Variants in AGBL4 observed in about 807,000 individuals in gnomAD.
The protein encoded by AGBL4 is cytosolic carboxypeptidase 6.
Under a neutral mutation model 66.4 loss-of-function variants are expected in AGBL4, and 58 were observed. The observed-to-expected ratio is 0.87, with a 90% confidence interval of 0.71 to 1.09. The LOEUF (loss-of-function observed/expected upper bound fraction) is 1.09. Among genes scored for constraint, AGBL4 ranks in the 50% least tolerant of loss-of-function variants. The probability of loss-of-function intolerance (pLI) is 0.00; values close to 1 mark genes in which losing one functional copy is unlikely to be tolerated. For synonymous variants in AGBL4, 234 were observed against 222.9 expected (o/e 1.05, Z -0.44); for missense variants, 579 against 631.0 (o/e 0.92, Z 0.88).
rs567331833 is a variant in AGBL4 at position 48,769,031 on chromosome 1, C to G, written c.634+98160G>C. Among the ~76,000 whole-genome samples the G allele has an allele frequency of 3.0e-4, 46 of 152,284 alleles. 2 individuals carry two copies. The South Asian group carries it at 8.9e-3, about 29-fold the overall frequency. On this transcript the variant is annotated intron_variant, in intron 6 of 13. Coordinates refer to ENST00000371839, the MANE Select transcript of AGBL4 (RefSeq NM_032785.4). ...AGACACCAAATCGAGGCCTGCCTCT[C>G]TCATTAACTTGTTTGGTGATTAGTC...
At chr1:49,505,283 T>C (rs1648573954) in intron 3 of AGBL4, among the ~76,000 whole-genome samples, 1 of 152,098 alleles carries the variant, frequency 6.6e-6, no homozygotes, top group South Asian at 2.1e-4. Context: ...TACAGTATTT[T>C]AGTATTCTGA....
At chr1:48,731,355 G>A (rs913021518) in intron 6 of AGBL4, among the ~76,000 whole-genome samples, 2 of 152,166 alleles carry the variant, frequency 1.3e-5, no homozygotes, top group Non-Finnish European at 2.9e-5. Context: ...AGTTCAGCTT[G>A]GCTGTCTCTA....
chr1:49,925,380 A>G (rs1189424839), intron 1 of AGBL4, among the ~76,000 whole-genome samples: 4 of 152,126 alleles, frequency 2.6e-5, no homozygotes, highest in South Asian at 4.1e-4. Context: ...CTGAATAATC[A>G]TCAGCAACAA....
intron 3 of AGBL4, among the ~76,000 whole-genome samples, chr1:49,466,140 C>T (rs1285342155): frequency 1.3e-5 from 2 of 151,834 alleles, no homozygotes; most frequent in African/African-American, 2.4e-5. Flanking sequence ...TGGCTGTTTA[C>T]CTGTATGATA....
At chr1:48,845,898 A>G (rs1303503380) in intron 6 of AGBL4, among the ~76,000 whole-genome samples, 1 of 152,200 alleles carries the variant, frequency 6.6e-6, no homozygotes, top group Admixed American at 6.5e-5. Context: ...GAGTTAATGT[A>G]CCAAAAGTAC....
intron 4 of AGBL4, among the ~76,000 whole-genome samples, chr1:49,149,084 G>A (rs1646276432): frequency 6.6e-6 from 1 of 152,162 alleles, no homozygotes; most frequent in East Asian, 1.9e-4. Context: ...GCCCATCTAT[G>A]TTCTAATCAA....
chr1:48,879,616 G>A (rs1272238124), intron 5 of AGBL4, among the ~76,000 whole-genome samples: 1 of 152,002 alleles, frequency 6.6e-6, no homozygotes, highest in Non-Finnish European at 1.5e-5. Context: ...TTCATAAAAA[G>A]CTCATTAAGA....
At chr1:48,835,369 TG>T (rs1558028226) in intron 6 of AGBL4, among the ~76,000 whole-genome samples, 2 of 152,160 alleles carry the variant, frequency 1.3e-5, no homozygotes, top group African/African-American at 2.4e-5. Context: ...TCTGTCCTCC[TG>T]GAACTTATAG....
At chr1:49,506,346 A>T (rs566882457) in intron 3 of AGBL4, among the ~76,000 whole-genome samples, 8 of 152,162 alleles carry the variant, frequency 5.3e-5, no homozygotes, top group African/African-American at 1.9e-4. Flanking sequence ...TTGTTAATAC[A>T]TGTTGATATG....
intron 5 of AGBL4, among the ~76,000 whole-genome samples, chr1:49,015,628 G>A (rs1662762617): frequency 6.6e-6 from 1 of 151,414 alleles, no homozygotes; most frequent in African/African-American, 2.4e-5. Context: ...GTTTCACCAT[G>A]TTAGCCAGGA....
downstream of AGBL4, among the ~76,000 whole-genome samples, chr1:48,531,129 C>A (rs776632916): frequency 1.3e-5 from 2 of 152,136 alleles, no homozygotes; most frequent in Non-Finnish European, 2.9e-5. Context: ...TTTTTTTCTG[C>A]TCTGCCAATG....
At chr1:48,775,598 C>T (rs1399647716) in intron 6 of AGBL4, among the ~76,000 whole-genome samples, 3 of 152,196 alleles carry the variant, frequency 2.0e-5, no homozygotes, top group African/African-American at 7.2e-5. Flanking sequence ...GATGATACTT[C>T]CCCCTTCCTT....
intron 4 of AGBL4, among the ~76,000 whole-genome samples, chr1:49,126,661 C>T (rs1645770421): frequency 6.6e-6 from 1 of 152,132 alleles, no homozygotes; most frequent in Admixed American, 6.6e-5. Flanking sequence ...AGATTCTGCA[C>T]TGTATAATCA....
chr1:49,691,696 C>T (rs1451445593), intron 3 of AGBL4, among the ~76,000 whole-genome samples: 1 of 152,026 alleles, frequency 6.6e-6, no homozygotes, highest in African/African-American at 2.4e-5. Flanking sequence ...AGGAGATTAA[C>T]ATTTGAGTCA....
rs537386628 is a variant in AGBL4, at chr1:49,549,896, A to G, written c.282+147417T>C. Among the ~76,000 whole-genome samples the G allele has an allele frequency of 8.5e-5, 13 of 152,214 alleles. No homozygotes were observed. The South Asian group carries it at 1.2e-3, about 15-fold the overall frequency. The stretch of plus-strand genomic sequence containing the variant: ...CAGTGGAGTATTGACGTCCCCAACT[A>G]TTATTATGTTGCTGTCTATATCATT... On this transcript the variant is annotated intron_variant, in intron 3 of 13. Coordinates refer to ENST00000371839, the MANE Select transcript of AGBL4 (RefSeq NM_032785.4).
chr1:49,928,683 G>C (rs1653034924), intron 1 of AGBL4, among the ~76,000 whole-genome samples: 1 of 152,104 alleles, frequency 6.6e-6, no homozygotes, highest in South Asian at 2.1e-4. Context: ...CAAATTGTAA[G>C]CCAAGAAACC....
chr1:48,617,329 G>C (rs569214322), intron 9 of AGBL4, among the ~76,000 whole-genome samples: 1 of 152,036 alleles, frequency 6.6e-6, no homozygotes, highest in African/African-American at 2.4e-5. Flanking sequence ...AGATTAAAGG[G>C]GTCACTGTTT....
At chr1:49,489,569 G>A (rs1157750672) in intron 3 of AGBL4, among the ~76,000 whole-genome samples, 1 of 151,622 alleles carries the variant, frequency 6.6e-6, no homozygotes, top group Non-Finnish European at 1.5e-5. Flanking sequence ...TTTACTTTGG[G>A]TTGTCTGTGC....
At chr1:49,035,040 T>G (rs1291531097) in intron 5 of AGBL4, among the ~76,000 whole-genome samples, 2 of 152,130 alleles carry the variant, frequency 1.3e-5, no homozygotes, top group Non-Finnish European at 2.9e-5. Flanking sequence ...AGGCTTTATT[T>G]TAAAATCTAC....
Sources: gnomAD v4.1 joint callset for allele counts (sites outside exome capture counted in the v4.1 genomes callset) on GRCh38, gnomAD v4.1.1 for gene constraint, MANE v1.5 for transcripts, NCBI Gene and HGNC (gene_info 2026-07-23, HGNC 2026-07-21) for gene names.